The following ACSM3 variants were observed in gnomAD, a reference collection of about 807,000 sequenced individuals.
ACSM3 encodes the protein acyl-CoA synthetase medium chain family member 3.
ACSM3 carries 61 observed loss-of-function variants against 74.1 expected under a neutral mutation model. The ratio of observed to expected loss-of-function variants is 0.82; its 90% CI spans 0.67 to 1.02. ACSM3 has a LOEUF of 1.02. Ranked by LOEUF, ACSM3 falls within the 50% of genes least tolerant of loss-of-function variation. The pLI is 0.00. For missense variants in ACSM3, 660 were observed against 697.0 expected, an observed-to-expected ratio of 0.95 and a Z score of 0.60; for synonymous variants, 213 against 241.5, an observed-to-expected ratio of 0.88 and a Z score of 1.09.
At chr16:20,715,976 T>G (rs2079760240) in intron 1 of ACSM3, among the ~76,000 whole-genome samples, 1 of 152,160 alleles carries the variant, frequency 6.6e-6, no homozygotes. Context: ...CTGAAGCACC[T>G]TGGTTTTCCT....
At chr16:20,693,865 C>T (rs2079675878) in intron 1 of ACSM3, among the ~76,000 whole-genome samples, 1 of 152,206 alleles carries the variant, frequency 6.6e-6, no homozygotes, top group Non-Finnish European at 1.5e-5. Flanking sequence ...ATAGAGGTTC[C>T]TCTTCAAAGA....
chr16:20,695,879 A>G (rs1046563509), intron 1 of ACSM3, among the ~76,000 whole-genome samples: 1 of 152,200 alleles, frequency 6.6e-6, no homozygotes, highest in Non-Finnish European at 1.5e-5. Context: ...GTGTATATCT[A>G]TACATTAATA....
intron 9 of ACSM3, among the ~76,000 whole-genome samples, chr16:20,788,189 G>A (rs1248589751): frequency 6.6e-6 from 1 of 152,052 alleles, no homozygotes; most frequent in Non-Finnish European, 1.5e-5. Flanking sequence ...CTTAACAATA[G>A]TTTGTTGGTT....
At chr16:20,768,767 G>A (rs1254433554) in intron 1 of ACSM3, among the ~76,000 whole-genome samples, 1 of 152,016 alleles carries the variant, frequency 6.6e-6, no homozygotes, top group Admixed American at 6.6e-5. Flanking sequence ...TTCTAACTCT[G>A]GTATGACAGA....
chr16:20,711,226 G>C (rs2079742804), intron 1 of ACSM3, among the ~76,000 whole-genome samples: 1 of 152,134 alleles, frequency 6.6e-6, no homozygotes, highest in South Asian at 2.1e-4. Context: ...GACACAGAGA[G>C]ATCAAGGTCA....
At chr16:20,733,213 T>C (rs1321875244) in intron 1 of ACSM3, among the ~76,000 whole-genome samples, 1 of 152,178 alleles carries the variant, frequency 6.6e-6, no homozygotes, top group Non-Finnish European at 1.5e-5. Context: ...TTTCTAGTGT[T>C]TAAAATTGCA....
intron 6 of ACSM3, 79 bp from the exon 7 acceptor site, chr16:20,781,629 T>C (rs915197850): frequency 2.9e-6 from 3 of 1,038,118 alleles, no homozygotes; most frequent in South Asian, 2.6e-5. Flanking sequence ...ATGTTTAAAT[T>C]GTGCTGCGTC....
At chr16:20,741,571 A>C in intron 1 of ACSM3, 1 of 1,495,734 alleles carries the variant, frequency 6.7e-7, no homozygotes, top group Non-Finnish European at 9.0e-7. Flanking sequence ...TCCTCCACGC[A>C]CTTGCGCTCG....
upstream of ACSM3, among the ~76,000 whole-genome samples, chr16:20,761,723 T>C (rs891559013): frequency 6.6e-6 from 1 of 152,138 alleles, no homozygotes; most frequent in African/African-American, 2.4e-5. Flanking sequence ...TCCTAAGAGA[T>C]AGAAAACACC....
At chr16:20,749,031 G>T (rs1220102891) in intron 1 of ACSM3, among the ~76,000 whole-genome samples, 1 of 152,014 alleles carries the variant, frequency 6.6e-6, no homozygotes. Context: ...TTGCACTCTA[G>T]CCTGGGTGAC....
intron 1 of ACSM3, among the ~76,000 whole-genome samples, chr16:20,705,518 G>C (rs2079724780): frequency 6.6e-6 from 1 of 152,094 alleles, no homozygotes. Context: ...AGAGAGAAGA[G>C]GAGCTTCAAA....
chr16:20,786,130 G>C lies in ACSM3; in HGVS notation c.1196G>C (p.Gly399Ala). ...ATGAAAATTAAACCTGGCTCAATGGGAAAACCTTCTCCTGCTTTCGATGTT... is the reference window on the plus strand; with the variant it reads ...ATGAAAATTAAACCTGGCTCAATGGCAAAACCTTCTCCTGCTTTCGATGTT... The part of the protein sequence containing the change: ...KGMKIKPGSM[G>A]KPSPAFDVKI... The change falls in exon 9 of 14, where the codon GGA becomes GCA. Residue 399 changes from glycine to alanine, a missense_variant. By Grantham distance (60) the Gly-to-Ala change is moderately conservative (BLOSUM62 0). Transcript: ENST00000289416. 6.2e-7 allele frequency: 1 copy of C among 1,607,454 alleles called. No homozygotes were observed. Among genetic ancestry groups the C allele is most frequent in the Non-Finnish European group, 8.5e-7 (1 of 1,177,396 alleles).
intron 9 of ACSM3, chr16:20,789,685 T>TA: frequency 1.4e-5 from 2 of 147,742 alleles, no homozygotes; most frequent in South Asian, 4.1e-4. Flanking sequence ...TCTATTTTTC[T>TA]TTTTTTTTTT....
chr16:20,742,813 A>ATATATATTT (rs61582869), intron 1 of ACSM3, among the ~76,000 whole-genome samples: 1,512 of 66,636 alleles, frequency 0.023, 9 homozygotes, highest in Middle Eastern at 0.038. Context: ...ATATATATAT[A>ATATATATTT]TTTTTTTTTT....
intron 1 of ACSM3, among the ~76,000 whole-genome samples, chr16:20,704,065 A>T (rs1254041217): frequency 6.6e-6 from 1 of 152,208 alleles, no homozygotes; most frequent in Admixed American, 6.5e-5. Flanking sequence ...TTAAGTACAC[A>T]TTGCTTAGTA....
chr16:20,681,875 C>T (rs2079453234), intron 1 of ACSM3: 2 of 166,052 alleles, frequency 1.2e-5, no homozygotes, highest in Non-Finnish European at 1.3e-5. Flanking sequence ...CCTTATCTCT[C>T]CCTTTCCCAG....
intron 1 of ACSM3, chr16:20,722,259 G>T (rs1885204290): frequency 6.6e-6 from 1 of 152,210 alleles, no homozygotes; most frequent in African/African-American, 2.4e-5. Context: ...TAGGGCTGTT[G>T]TGATAGTGGA....
intron 6 of ACSM3, 86 bp downstream of exon 6, chr16:20,781,216 G>C: frequency 6.8e-7 from 1 of 1,469,236 alleles, no homozygotes; most frequent in Middle Eastern, 1.8e-4. Context: ...AACTTGCAGA[G>C]ATCAGAGTAG....
intron 12 of ACSM3, among the ~76,000 whole-genome samples, chr16:20,794,322 T>G (rs1050895767): frequency 1.3e-5 from 2 of 152,210 alleles, no homozygotes; most frequent in South Asian, 4.1e-4. Context: ...CTTAAATTTT[T>G]GGGATCACAT....
Sources: gnomAD v4.1 joint callset for allele counts (sites outside exome capture counted in the v4.1 genomes callset) on GRCh38, gnomAD v4.1.1 for gene constraint, MANE v1.5 for transcripts, NCBI Gene and HGNC (gene_info 2026-07-23, HGNC 2026-07-21) for gene names.